The following FRMD5 variants were observed in gnomAD, a reference collection of about 807,000 sequenced individuals.
FRMD5 encodes the protein FERM domain containing 5, also known as FERM domain-containing protein 5.
FRMD5 carries 20 observed loss-of-function variants against 69.0 expected under a neutral mutation model. The observed-to-expected ratio is 0.29, with a 90% confidence interval of 0.20 to 0.42. The LOEUF (loss-of-function observed/expected upper bound fraction) is 0.42, where lower values mean the gene tolerates loss of function less well. Among genes scored for constraint, FRMD5 ranks in the 10% least tolerant of loss-of-function variants. The pLI, the probability that FRMD5 is intolerant of heterozygous loss-of-function variation, is 1.00. For missense variants in FRMD5, 595 were observed against 708.6 expected (o/e 0.84, Z 1.82); for synonymous variants, 271 against 260.1 (o/e 1.04, Z -0.40).
intron 1 of FRMD5, among the ~76,000 whole-genome samples, chr15:43,992,434 C>T (rs1048916979): frequency 2.7e-5 from 4 of 150,420 alleles, no homozygotes; most frequent in African/African-American, 4.9e-5. Flanking sequence ...GCTGGAGAGC[C>T]GTGGTGCGAT....
chr15:44,041,986 T>A (rs998347939), intron 1 of FRMD5, among the ~76,000 whole-genome samples: 1 of 151,956 alleles, frequency 6.6e-6, no homozygotes, highest in African/African-American at 2.4e-5. Flanking sequence ...AATCAATGAA[T>A]CCAAGAGCTG....
upstream of FRMD5, among the ~76,000 whole-genome samples, chr15:44,198,418 G>A (rs1029850743): frequency 1.3e-4 from 19 of 151,994 alleles, no homozygotes; most frequent in Admixed American, 6.6e-4. Flanking sequence ...TCATGCTTAG[G>A]TGTAATATCC....
At chr15:43,978,849 G>A (rs971487684) in intron 1 of FRMD5, among the ~76,000 whole-genome samples, 1 of 152,088 alleles carries the variant, frequency 6.6e-6, no homozygotes, top group Non-Finnish European at 1.5e-5. Context: ...ACCACACCCG[G>A]CCAAGTTTTC....
chr15:44,122,522 T>C (rs969196672), intron 1 of FRMD5, among the ~76,000 whole-genome samples: 6 of 151,662 alleles, frequency 4.0e-5, no homozygotes, highest in Non-Finnish European at 7.4e-5. Flanking sequence ...GAGGTTGCAG[T>C]AAGCAGAGAC....
chr15:43,936,469 C>A (rs1372583028), intron 1 of FRMD5, among the ~76,000 whole-genome samples: 1 of 152,084 alleles, frequency 6.6e-6, no homozygotes, highest in Non-Finnish European at 1.5e-5. Flanking sequence ...GGGATTACAG[C>A]CATGAGCCAC....
chr15:44,018,199 CTT>C (rs754472980), intron 1 of FRMD5, among the ~76,000 whole-genome samples: 4 of 152,100 alleles, frequency 2.6e-5, no homozygotes, highest in Non-Finnish European at 5.9e-5. Context: ...TAGACTGTGA[CTT>C]AATGCAAATA....
intron 5 of FRMD5, among the ~76,000 whole-genome samples, chr15:43,908,590 CTT>C (rs1374789207): frequency 6.6e-6 from 1 of 152,112 alleles, no homozygotes; most frequent in Non-Finnish European, 1.5e-5. Context: ...TTTGGGGAAA[CTT>C]CATGATTTTA....
intron 1 of FRMD5, among the ~76,000 whole-genome samples, chr15:43,949,711 C>T (rs867963320): frequency 6.6e-6 from 1 of 152,262 alleles, no homozygotes. Context: ...ACAGGTGAAG[C>T]AGTCCAATTA....
At chr15:44,074,803 A>G (rs1893689415) in intron 1 of FRMD5, among the ~76,000 whole-genome samples, 1 of 152,188 alleles carries the variant, frequency 6.6e-6, no homozygotes, top group Non-Finnish European at 1.5e-5. Flanking sequence ...AGTTGCTATA[A>G]GAAACTTTTA....
intron 1 of FRMD5, among the ~76,000 whole-genome samples, chr15:43,952,784 G>C (rs547865934): frequency 6.6e-6 from 1 of 152,352 alleles, no homozygotes; most frequent in Non-Finnish European, 1.5e-5. Context: ...AGCTTTGCTG[G>C]AACTCTGGAA....
intron 1 of FRMD5, among the ~76,000 whole-genome samples, chr15:44,093,963 T>C (rs2076513883): frequency 6.6e-6 from 1 of 152,160 alleles, no homozygotes; most frequent in South Asian, 2.1e-4. Flanking sequence ...ACTTGCATTT[T>C]TGGGGTGAAT....
intron 1 of FRMD5, among the ~76,000 whole-genome samples, chr15:44,055,612 T>C (rs1236083857): frequency 2.0e-5 from 3 of 152,180 alleles, no homozygotes; most frequent in South Asian, 2.1e-4. Flanking sequence ...ATTATTGCTA[T>C]GAAAAAGCCA....
intron 1 of FRMD5, among the ~76,000 whole-genome samples, chr15:44,029,566 G>A (rs185349249): frequency 1.3e-5 from 2 of 152,282 alleles, no homozygotes; most frequent in Admixed American, 1.3e-4. Flanking sequence ...GAGAAAATAT[G>A]GTAACTAAAA....
intron 8 of FRMD5, among the ~76,000 whole-genome samples, chr15:43,890,705 T>A (rs2088773977): frequency 1.3e-5 from 2 of 151,962 alleles, no homozygotes; most frequent in Non-Finnish European, 2.9e-5. Context: ...AGGAAACAGG[T>A]ATGTTGGGGT....
intron 1 of FRMD5, among the ~76,000 whole-genome samples, chr15:43,999,921 ATG>A (rs1242256522): frequency 1.2e-4 from 1 of 8,024 alleles, no homozygotes; most frequent in African/African-American, 1.7e-4. Flanking sequence ...GTGTGTGTGT[ATG>A]TATATATATA....
At chr15:43,919,241 C>T (rs1158844435) in intron 4 of FRMD5, 1 of 690,352 alleles carries the variant, frequency 1.4e-6, no homozygotes, top group Non-Finnish European at 2.7e-6. Flanking sequence ...GTAGTATTCA[C>T]ACTTCTTGAA....
intron 1 of FRMD5, among the ~76,000 whole-genome samples, chr15:44,123,590 A>G (rs1016985692): frequency 7.9e-5 from 12 of 152,184 alleles, no homozygotes; most frequent in African/African-American, 2.9e-4. Flanking sequence ...TTTTTAAAAA[A>G]TAAAGAAACC....
chr15:44,113,529 T>C (rs2076828397), intron 1 of FRMD5, among the ~76,000 whole-genome samples: 1 of 152,240 alleles, frequency 6.6e-6, no homozygotes, highest in Non-Finnish European at 1.5e-5. Flanking sequence ...TCACCCTCTC[T>C]GGCATTTATC....
At chr15:43,910,751 G>C (rs563778155) in intron 4 of FRMD5, among the ~76,000 whole-genome samples, 1 of 152,268 alleles carries the variant, frequency 6.6e-6, no homozygotes, top group Admixed American at 6.5e-5. Flanking sequence ...GAGCACTTAC[G>C]ATCTGCCAGT....
Sources: allele counts gnomAD v4.1 joint callset (sites outside exome capture counted in the v4.1 genomes callset), GRCh38; gene constraint gnomAD v4.1.1; transcripts MANE v1.5; gene names NCBI Gene and HGNC (gene_info 2026-07-23, HGNC 2026-07-21).